The following MANEA variants were observed in gnomAD, a reference collection of about 807,000 sequenced individuals.
MANEA encodes the protein mannosidase endo-alpha.
MANEA carries 25 observed loss-of-function variants against 36.8 expected under a neutral mutation model. The ratio of observed to expected loss-of-function variants is 0.68; its 90% CI spans 0.50 to 0.95. The LOEUF (loss-of-function observed/expected upper bound fraction) is 0.95, where lower values mean the gene tolerates loss of function less well. Ranked by LOEUF, MANEA falls within the 40% of genes least tolerant of loss-of-function variation. The pLI, the probability that MANEA is intolerant of heterozygous loss-of-function variation, is 0.00. For missense variants in MANEA, 565 were observed against 558.8 expected, an observed-to-expected ratio of 1.01 and a Z score of -0.11; for synonymous variants, 198 against 188.5, an observed-to-expected ratio of 1.05 and a Z score of -0.41.
chr6:95,606,094 TAC>T lies in MANEA; in HGVS notation c.1080_1081del (p.Ile361ArgfsTer22), dbSNP rs1769704935. 6.2e-7 allele frequency: 1 copy of T among 1,613,892 alleles called. No individual in the cohort carries two copies. Among genetic ancestry groups the T allele is most frequent in the Non-Finnish European group, 8.5e-7 (1 of 1,179,952 alleles). Reference sequence around the variant, plus strand: ...ATTTATCCCAAGTGTGGGCCCAGGATACATAGATACCAGCATCCGTCCATGGA... The same window carrying T: ...ATTTATCCCAAGTGTGGGCCCAGGATATAGATACCAGCATCCGTCCATGGA... The part of the protein sequence containing the change: ...LIFIPSVGPG[Y>X]IDTSIRPWNT... On this transcript the variant is annotated frameshift_variant, in exon 5 of 5. Coordinates refer to ENST00000358812, the MANE Select transcript of MANEA (RefSeq NM_024641.4). LOFTEE classifies it high-confidence loss of function.
chr6:95,604,932 G>T (rs1328811788), intron 4 of MANEA, 29 bp downstream of exon 4: 7 of 834,812 alleles, frequency 8.4e-6, no homozygotes, highest in Non-Finnish European at 1.1e-5. Context: ...TATAAATATT[G>T]TTATATTATC....
intron 1 of MANEA, among the ~76,000 whole-genome samples, chr6:95,584,888 T>G (rs982387650): frequency 1.3e-5 from 2 of 152,226 alleles, no homozygotes; most frequent in African/African-American, 4.8e-5. Flanking sequence ...GTTGAAATAT[T>G]GGGGATGGGT....
In MANEA at chr6:95,604,838, C is replaced by A; in HGVS notation, c.666C>A (p.His222Gln). 6.9e-7 allele frequency: 1 copy of A among 1,454,714 alleles called. No individual in the cohort carries two copies. The highest frequency in any genetic ancestry group is 9.3e-7 in the Non-Finnish European group (1 of 1,075,238). 90.1% of individuals were successfully genotyped at this position (1,454,714 alleles called of 1,614,324 possible). The change falls in exon 4 of 5, where the codon CAC becomes CAA. Residue 222 changes from histidine (H) to glutamine (Q), a missense_variant. Physicochemically the swap from His to Gln is conservative, Grantham distance 24 (BLOSUM62 0). Coordinates refer to ENST00000358812, the MANE Select transcript of MANEA (RefSeq NM_024641.4). ...ATTGTTTGTTTTAGGTTACTTTTCA[C>A]ATAGAACCATATAGCAATCGAGATG... ...AHKYNLKVTF[H>Q]IEPYSNRDDQ...
chr6:95,601,716 A>ATTTTTTTGTTTTTTTTTTTT (rs1769595152), intron 3 of MANEA, among the ~76,000 whole-genome samples: 1 of 64,968 alleles, frequency 1.5e-5, no homozygotes, highest in Admixed American at 2.2e-4. Context: ...AGATTCAGTG[A>ATTTTTTTGTTTTTTTTTTTT]TTTTTTTTTT....
rs746835789 is a variant in MANEA at position 95,586,509 on chromosome 6, A to T, written c.70A>T (p.Met24Leu). 5.6e-6 allele frequency: 9 copies of T among 1,613,916 alleles called. No homozygotes were observed. The highest frequency in any genetic ancestry group is 7.6e-6 in the Non-Finnish European group (9 of 1,179,928). The change falls in exon 2 of 5, where the codon ATG becomes TTG. Residue 24 changes from methionine (M) to leucine (L), a missense_variant. Met to Leu is a conservative substitution (Grantham distance 15). Transcript: ENST00000358812. Reference protein sequence around the residue: ...LFILFIFSLMMGLKMLRPNTA... With the variant: ...LFILFIFSLMLGLKMLRPNTA... ...TATTCTATTTATTTTCTCTCTGATG[A>T]TGGGTTTAAAAATGCTGAGACCAAA...
Position 95,587,903 on chromosome 6 carries a change from G to A in MANEA, c.544+920G>A, listed in dbSNP as rs76200382. 2.7e-3 allele frequency among the ~76,000 whole-genome samples: 405 copies of A among 150,502 alleles called. 4 individuals carry two copies. Among genetic ancestry groups the A allele is most frequent in the African/African-American group, 8.2e-3 (334 of 40,952 alleles). Reference sequence around the variant, plus strand: ...CTTCCTTCTCTTACATTACATATGCGTATTATTCTGTTTTATATTTTCTTC... The same window carrying A: ...CTTCCTTCTCTTACATTACATATGCATATTATTCTGTTTTATATTTTCTTC... On this transcript the variant is annotated intron_variant, in intron 2 of 4. Transcript: ENST00000358812.
intron 1 of MANEA, among the ~76,000 whole-genome samples, chr6:95,583,938 T>C (rs1769232158): frequency 6.6e-6 from 1 of 152,132 alleles, no homozygotes; most frequent in Non-Finnish European, 1.5e-5. Flanking sequence ...TAGAATAGTG[T>C]TGTGGGAAGT....
At chr6:95,583,959 G>A (rs1234397768) in intron 1 of MANEA, among the ~76,000 whole-genome samples, 2 of 152,130 alleles carry the variant, frequency 1.3e-5, no homozygotes, top group Admixed American at 6.5e-5. Context: ...CAGGGACCCC[G>A]AACGGAGGGA....
intron 4 of MANEA, 29 bp downstream of exon 4, chr6:95,604,932 G>C: frequency 2.4e-6 from 2 of 834,928 alleles, no homozygotes; most frequent in Non-Finnish European, 3.6e-6. Flanking sequence ...TATAAATATT[G>C]TTATATTATC....
intron 4 of MANEA, among the ~76,000 whole-genome samples, chr6:95,605,508 A>C (rs1448065777): frequency 6.6e-6 from 1 of 152,160 alleles, no homozygotes; most frequent in Admixed American, 6.5e-5. Context: ...ATTAGTCATC[A>C]TTTGTAAACC....
intron 3 of MANEA, among the ~76,000 whole-genome samples, chr6:95,598,741 C>T (rs1451685136): frequency 6.6e-6 from 1 of 151,950 alleles, no homozygotes; most frequent in East Asian, 1.9e-4. Flanking sequence ...AGAAAACTTC[C>T]AAATTTATTC....
At chr6:95,604,061 G>GGGGTGTGTGTGTGTGTGT (rs369467389) in intron 3 of MANEA, among the ~76,000 whole-genome samples, 207 of 138,382 alleles carry the variant, frequency 1.5e-3, no homozygotes, top group African/African-American at 3.7e-3. Context: ...TATGTATGTA[G>GGGGTGTGTGTGTGTGTGT]GTGTGTGTGT....
intron 2 of MANEA, among the ~76,000 whole-genome samples, chr6:95,595,213 CT>C (rs1169746586): frequency 6.6e-6 from 1 of 151,966 alleles, no homozygotes; most frequent in Non-Finnish European, 1.5e-5. Context: ...GTTGAGAAAA[CT>C]TTTTGTTGTC....
At chr6:95,585,898 CAT>C (rs1769270506) in intron 1 of MANEA, among the ~76,000 whole-genome samples, 3 of 152,180 alleles carry the variant, frequency 2.0e-5, no homozygotes, top group Admixed American at 1.3e-4. Flanking sequence ...TGTGGTGACT[CAT>C]ACCTGTAATC....
At chr6:95,592,074 C>T (rs1034230846) in intron 2 of MANEA, among the ~76,000 whole-genome samples, 2 of 152,152 alleles carry the variant, frequency 1.3e-5, no homozygotes, top group East Asian at 1.9e-4. Flanking sequence ...TGATATTTAT[C>T]TCGCAACTGT....
intron 3 of MANEA, among the ~76,000 whole-genome samples, chr6:95,603,348 A>G (rs1769635508): frequency 6.6e-6 from 1 of 152,046 alleles, no homozygotes; most frequent in Non-Finnish European, 1.5e-5. Context: ...GTATGAAAAT[A>G]CCTATACACT....
chr6:95,606,424 A>G lies in MANEA; in HGVS notation c.*19A>G, dbSNP rs1362648190. Reference sequence around the variant, plus strand: ...TTCTTAATGCATTGATTAAAGTTTAATAGTTATCAAAATCACCTAATTTTT... The same window carrying G: ...TTCTTAATGCATTGATTAAAGTTTAGTAGTTATCAAAATCACCTAATTTTT... On this transcript the variant is annotated 3_prime_UTR_variant, in exon 5 of 5. Coordinates refer to ENST00000358812, the MANE Select transcript of MANEA (RefSeq NM_024641.4). 1.3e-6 allele frequency: 2 copies of G among 1,529,172 alleles called. No individual in the cohort carries two copies. The highest frequency in any genetic ancestry group is 2.3e-5 in the East Asian group (1 of 44,228). The allele number at this position is 1,529,172 out of a possible 1,614,324, so 94.7% of individuals were successfully genotyped here.
At chr6:95,601,715 G>GTTTTTTTTTTT (rs1769594423) in intron 3 of MANEA, among the ~76,000 whole-genome samples, 1 of 72,634 alleles carries the variant, frequency 1.4e-5, no homozygotes, top group Non-Finnish European at 2.6e-5. Flanking sequence ...CAGATTCAGT[G>GTTTTTTTTTTT]ATTTTTTTTT....
rs1159223899 is a variant in MANEA, at chr6:95,592,286, T to C, written c.545-4451T>C. On this transcript the variant is annotated intron_variant, in intron 2 of 4. Transcript: ENST00000358812. ...TTTATTTGTTCTTATAGTTCCCATA[T>C]CTCTGCTGAAATTTGCCAGATCTTG... Among the ~76,000 whole-genome samples, 5 of 152,334 alleles carry C rather than the reference T, an allele frequency of 3.3e-5. No homozygotes were observed. The East Asian group carries it at 7.7e-4, about 23-fold the overall frequency.
Sources: gnomAD v4.1 joint callset for allele counts (sites outside exome capture counted in the v4.1 genomes callset) on GRCh38, gnomAD v4.1.1 for gene constraint, MANE v1.5 for transcripts, NCBI Gene and HGNC (gene_info 2026-07-23, HGNC 2026-07-21) for gene names.